The following AAK1 variants were observed in gnomAD, a reference collection of about 807,000 sequenced individuals.
AAK1 encodes AP2 associated kinase 1, also known as AP2-associated protein kinase 1.
In AAK1, 37 loss-of-function variants were observed where a neutral mutation model predicts 116.0. That is an observed-to-expected ratio of 0.32 (90% CI 0.25 to 0.42). AAK1 has a LOEUF of 0.42. Ranked by LOEUF, AAK1 falls within the 10% of genes least tolerant of loss-of-function variation. The pLI, the probability that AAK1 is intolerant of heterozygous loss-of-function variation, is 1.00. For synonymous variants in AAK1, 458 were observed against 439.9 expected, an observed-to-expected ratio of 1.04 and a Z score of -0.51; for missense variants, 919 against 1,170.6, an observed-to-expected ratio of 0.79 and a Z score of 3.14.
chr2:69,615,762 A>G (rs1312000315), intron 2 of AAK1, among the ~76,000 whole-genome samples: 3 of 152,344 alleles, frequency 2.0e-5, no homozygotes, highest in Middle Eastern at 3.4e-3. Flanking sequence ...TGGGAGTTCA[A>G]TGTCTGCCTT....
chr2:69,469,187 G>C lies in AAK1; in HGVS notation c.*6682C>G, dbSNP rs745696105. 17 of 985,406 alleles carry C rather than the reference G, an allele frequency of 1.7e-5. No individual in the cohort carries two copies. The highest frequency in any genetic ancestry group is 2.0e-5 in the Non-Finnish European group (17 of 829,956). The allele number at this position is 985,406 out of a possible 1,614,324, so 61.0% of individuals were successfully genotyped here. On this transcript the variant is annotated 3_prime_UTR_variant, in exon 22 of 22. Coordinates refer to ENST00000409085, the MANE Select transcript of AAK1 (RefSeq NM_014911.5). ...GGAGGTACAGTGTGGCTGAGGCGGA[G>C]AGCAACCACACTTTGCAACTCTCCA...
chr2:69,498,600 T>C (rs1675846355), intron 16 of AAK1, among the ~76,000 whole-genome samples: 1 of 151,472 alleles, frequency 6.6e-6, no homozygotes, highest in African/African-American at 2.4e-5. Flanking sequence ...ACTCTGCCAC[T>C]GTCACAGCAG....
chr2:69,591,057 C>T (rs1673006191), intron 2 of AAK1, among the ~76,000 whole-genome samples: 1 of 152,166 alleles, frequency 6.6e-6, no homozygotes, highest in Non-Finnish European at 1.5e-5. Context: ...AAAGGCAAAT[C>T]CATTTTCTAT....
intron 5 of AAK1, among the ~76,000 whole-genome samples, chr2:69,540,991 G>A (rs1474653217): frequency 6.6e-6 from 1 of 152,144 alleles, no homozygotes; most frequent in African/African-American, 2.4e-5. Flanking sequence ...AAGTGAAAAA[G>A]TCAGACAGAA....
chr2:69,588,274 C>A (rs910119635), intron 2 of AAK1, among the ~76,000 whole-genome samples: 1 of 152,202 alleles, frequency 6.6e-6, no homozygotes, highest in Non-Finnish European at 1.5e-5. Flanking sequence ...AAATGTTCAT[C>A]CCTGTCTCCT....
At chr2:69,589,148 G>A (rs1339285993) in intron 2 of AAK1, among the ~76,000 whole-genome samples, 3 of 152,174 alleles carry the variant, frequency 2.0e-5, no homozygotes, top group Admixed American at 1.3e-4. Flanking sequence ...AGATGTGGCC[G>A]ACTGGAGAGG....
At chr2:69,602,436 T>C (rs951507590) in intron 2 of AAK1, among the ~76,000 whole-genome samples, 1 of 152,070 alleles carries the variant, frequency 6.6e-6, no homozygotes, top group African/African-American at 2.4e-5. Flanking sequence ...TATATAATTA[T>C]AAAGGGATAT....
At position 69,475,439 on chromosome 2, in the gene AAK1, T is replaced by C. The variant is rs1267546378; in HGVS notation, c.*430A>G. On this transcript the variant is annotated 3_prime_UTR_variant, in exon 22 of 22. Transcript: ENST00000409085. Reference sequence around the variant, plus strand: ...AGGATAAAAAGCAAAAACAGGGAAATACATTCATCAGCATCTGGCCAAAGG... The same window carrying C: ...AGGATAAAAAGCAAAAACAGGGAAACACATTCATCAGCATCTGGCCAAAGG... The C allele has an allele frequency of 1.0e-6, 1 of 1,001,330 alleles. No homozygotes were observed. The highest frequency in any genetic ancestry group is 1.2e-6 in the Non-Finnish European group (1 of 839,096). The allele number at this position is 1,001,330 out of a possible 1,614,324, so 62.0% of individuals were successfully genotyped here.
intron 3 of AAK1, among the ~76,000 whole-genome samples, chr2:69,550,607 CT>C (rs1211789827): frequency 6.7e-6 from 1 of 148,490 alleles, no homozygotes; most frequent in Non-Finnish European, 1.5e-5. Flanking sequence ...TTTTTTTTTT[CT>C]ATTTTAAAAT....
intron 2 of AAK1, among the ~76,000 whole-genome samples, chr2:69,580,714 CCA>C (rs1485276878): frequency 1.3e-5 from 2 of 152,164 alleles, no homozygotes; most frequent in African/African-American, 4.8e-5. Flanking sequence ...GTTAATGTGC[CCA>C]CAGAGTGTCT....
chr2:69,519,428 G>A (rs1201687305), intron 11 of AAK1, among the ~76,000 whole-genome samples, 188 bp from the exon 12 acceptor site: 2 of 152,136 alleles, frequency 1.3e-5, no homozygotes, highest in African/African-American at 4.8e-5. Context: ...GCTAAATTAT[G>A]TGCTTCAAAT....
intron 2 of AAK1, among the ~76,000 whole-genome samples, chr2:69,595,922 G>T (rs1673258934): frequency 6.6e-6 from 1 of 152,210 alleles, no homozygotes. Flanking sequence ...TCATTGGCCA[G>T]ACTGAAAATC....
intron 17 of AAK1, among the ~76,000 whole-genome samples, chr2:69,491,182 T>C (rs1222106147): frequency 1.3e-5 from 2 of 152,124 alleles, no homozygotes; most frequent in South Asian, 2.1e-4. Context: ...CAGGCTCAAG[T>C]GATCCTTTCG....
chr2:69,608,928 T>G (rs574410891), intron 2 of AAK1, among the ~76,000 whole-genome samples: 32 of 152,320 alleles, frequency 2.1e-4, no homozygotes, highest in African/African-American at 7.5e-4. Context: ...ATGAAAGACT[T>G]GTACACCGAA....
At chr2:69,636,051 C>G (rs889981165) in intron 2 of AAK1, among the ~76,000 whole-genome samples, 2 of 152,132 alleles carry the variant, frequency 1.3e-5, no homozygotes, top group Non-Finnish European at 2.9e-5. Flanking sequence ...AGTCACATGT[C>G]CACTATTGAG....
At chr2:69,587,168 T>G (rs1672804122) in intron 2 of AAK1, among the ~76,000 whole-genome samples, 1 of 151,434 alleles carries the variant, frequency 6.6e-6, no homozygotes, top group Non-Finnish European at 1.5e-5. Flanking sequence ...CGCTGCAGCC[T>G]CGACCTCCTG....
chr2:69,471,626 A>C lies in AAK1; in HGVS notation c.*4243T>G, dbSNP rs887317718. 1.0e-6 allele frequency: 1 copy of C among 985,410 alleles called. No individual in the cohort carries two copies. The highest frequency in any genetic ancestry group is 1.2e-6 in the Non-Finnish European group (1 of 829,906). 61.0% of individuals were successfully genotyped at this position (985,410 alleles called of 1,614,324 possible). ...CAAAGTTAGTGGCTATGGGAGCCTG[A>C]TAATCTTGCAGACAGAGAAGGTTAA... On this transcript the variant is annotated 3_prime_UTR_variant, in exon 22 of 22. Coordinates refer to ENST00000409085, the MANE Select transcript of AAK1 (RefSeq NM_014911.5).
Position 69,518,958 on chromosome 2 carries a change from T to C in AAK1, c.1493A>G (p.Gln498Arg). 1 of 1,543,944 alleles carries C rather than the reference T, an allele frequency of 6.5e-7. No individual in the cohort carries two copies. The highest frequency in any genetic ancestry group is 8.7e-7 in the Non-Finnish European group (1 of 1,143,314). The change falls in exon 12 of 22, where the codon CAG becomes CGG. Residue 498 changes from glutamine (Q) to arginine (R), a missense_variant. Coordinates refer to ENST00000409085, the MANE Select transcript of AAK1 (RefSeq NM_014911.5). ...TFYQQQQAQT[Q>R]QFQAVHPATQ... ...GCCACACTCTGACCACCTTACCTGCTGAGTCTGGGCCTGCTGCTGCTGGTA... is the reference window on the plus strand; with the variant it reads ...GCCACACTCTGACCACCTTACCTGCCGAGTCTGGGCCTGCTGCTGCTGGTA...
intron 2 of AAK1, among the ~76,000 whole-genome samples, chr2:69,633,036 A>T (rs1209898545): frequency 2.0e-5 from 3 of 150,352 alleles, no homozygotes; most frequent in Non-Finnish European, 4.4e-5. Flanking sequence ...CCGTCTCAAT[A>T]AAAAAAATAA....
Sources: allele counts gnomAD v4.1 joint callset (sites outside exome capture counted in the v4.1 genomes callset), GRCh38; gene constraint gnomAD v4.1.1; transcripts MANE v1.5; gene names NCBI Gene and HGNC (gene_info 2026-07-23, HGNC 2026-07-21).